SSH2: variants seen among roughly 807,000 people sequenced by gnomAD.
The protein encoded by SSH2 is slingshot protein phosphatase 2, also known as protein phosphatase Slingshot homolog 2.
Under a neutral mutation model 135.2 loss-of-function variants are expected in SSH2, and 37 were observed. The observed-to-expected ratio is 0.27, with a 90% confidence interval of 0.21 to 0.36. The LOEUF is 0.36. Ranked by LOEUF, SSH2 falls within the 10% of genes least tolerant of loss-of-function variation. SSH2 has a pLI of 1.00. For missense variants in SSH2, 1,408 were observed against 1,765.3 expected (o/e 0.80, Z 3.63); for synonymous variants, 628 against 646.2 (o/e 0.97, Z 0.43).
chr17:29,742,456 C>T (rs973272265), intron 3 of SSH2, among the ~76,000 whole-genome samples: 87 of 139,920 alleles, frequency 6.2e-4, no homozygotes, highest in Non-Finnish European at 4.7e-4. Flanking sequence ...GTAGTTAGGA[C>T]GAGAGGTATG....
At chr17:29,730,715 A>G (rs2040160171) in intron 3 of SSH2, among the ~76,000 whole-genome samples, 1 of 152,166 alleles carries the variant, frequency 6.6e-6, no homozygotes, top group Non-Finnish European at 1.5e-5. Flanking sequence ...CTGGGATTAC[A>G]GGCATGAGCC....
intron 14 of SSH2, among the ~76,000 whole-genome samples, chr17:29,641,055 A>G (rs1257158040): frequency 2.6e-5 from 4 of 152,170 alleles, no homozygotes; most frequent in African/African-American, 9.7e-5. Context: ...AATTATAGGC[A>G]TGCGCCACCA....
At chr17:29,726,986 G>A (rs905765201) in intron 3 of SSH2, among the ~76,000 whole-genome samples, 13 of 152,186 alleles carry the variant, frequency 8.5e-5, no homozygotes, top group African/African-American at 3.1e-4. Flanking sequence ...GGACAAGCCA[G>A]GGAAGCTTAC....
intron 3 of SSH2, among the ~76,000 whole-genome samples, chr17:29,722,766 CAG>C (rs1196619724): frequency 6.6e-6 from 1 of 152,162 alleles, no homozygotes; most frequent in Non-Finnish European, 1.5e-5. Flanking sequence ...ACCGTGGGAA[CAG>C]AGTCAAGCAC....
At chr17:29,736,428 C>G (rs2040364789) in intron 3 of SSH2, among the ~76,000 whole-genome samples, 1 of 152,092 alleles carries the variant, frequency 6.6e-6, no homozygotes, top group South Asian at 2.1e-4. Flanking sequence ...CTTTACTGAT[C>G]TTGATTTTAT....
At chr17:29,761,668 A>T (rs978113053) in intron 3 of SSH2, among the ~76,000 whole-genome samples, 1 of 152,128 alleles carries the variant, frequency 6.6e-6, no homozygotes, top group Non-Finnish European at 1.5e-5. Flanking sequence ...TCTCTAAAGG[A>T]GGATGTTTCA....
At chr17:29,919,931 C>T (rs1031187522) in intron 1 of SSH2, among the ~76,000 whole-genome samples, 1 of 152,058 alleles carries the variant, frequency 6.6e-6, no homozygotes, top group Non-Finnish European at 1.5e-5. Flanking sequence ...TTTTCTGAGA[C>T]GGAGTTTCCC....
intron 3 of SSH2, among the ~76,000 whole-genome samples, chr17:29,793,375 T>C (rs1157482640): frequency 6.6e-6 from 1 of 152,180 alleles, no homozygotes; most frequent in Non-Finnish European, 1.5e-5. Flanking sequence ...GTGAAATATT[T>C]ACCAATCTGC....
intron 1 of SSH2, among the ~76,000 whole-genome samples, chr17:29,876,021 A>G (rs1172362176): frequency 1.3e-5 from 2 of 151,206 alleles, no homozygotes; most frequent in Non-Finnish European, 2.9e-5. Flanking sequence ...TTCCATGTTC[A>G]TGGATTGGAA....
chr17:29,924,609 A>AT (rs1291474519), intron 1 of SSH2, among the ~76,000 whole-genome samples: 4 of 151,738 alleles, frequency 2.6e-5, no homozygotes, highest in Non-Finnish European at 5.9e-5. Flanking sequence ...GAATTGCTCA[A>AT]TTTTTTTATT....
At chr17:29,678,031 T>C (rs909844625) in intron 6 of SSH2, among the ~76,000 whole-genome samples, 3 of 152,214 alleles carry the variant, frequency 2.0e-5, no homozygotes, top group Admixed American at 2.0e-4. Flanking sequence ...TGCAGATGAT[T>C]GCTGCTGACT....
Position 29,905,855 on chromosome 17 carries a change from C to G in SSH2, c.63+24083G>C, listed in dbSNP as rs577531814. On this transcript the variant is annotated intron_variant, in intron 1 of 15. Transcript: ENST00000540801. ...CATAAAACCCTGGGCTCAGCCAGAGCTGAGCAGACAACTGAACTGGATGAC... is the reference window on the plus strand; with the variant it reads ...CATAAAACCCTGGGCTCAGCCAGAGGTGAGCAGACAACTGAACTGGATGAC... Among the ~76,000 whole-genome samples the G allele has an allele frequency of 1.6e-4, 25 of 152,284 alleles. No individual in the cohort carries two copies. The South Asian group carries it at 3.9e-3, about 24-fold the overall frequency.
At chr17:29,833,660 CTT>C (rs2042888307) in intron 2 of SSH2, among the ~76,000 whole-genome samples, 1 of 148,098 alleles carries the variant, frequency 6.8e-6, no homozygotes, top group Non-Finnish European at 1.5e-5. Flanking sequence ...TCCTTCCTTC[CTT>C]CCTTCCTTCT....
intron 3 of SSH2, among the ~76,000 whole-genome samples, chr17:29,748,286 G>T (rs924289087): frequency 6.6e-6 from 1 of 151,938 alleles, no homozygotes; most frequent in Non-Finnish European, 1.5e-5. Context: ...AAACACAAAT[G>T]CATCTTTATA....
intron 3 of SSH2, among the ~76,000 whole-genome samples, chr17:29,729,290 G>A (rs1248373850): frequency 6.6e-6 from 1 of 152,206 alleles, no homozygotes; most frequent in Non-Finnish European, 1.5e-5. Flanking sequence ...ATGAAAAGGT[G>A]CTCAACATCA....
intron 2 of SSH2, among the ~76,000 whole-genome samples, chr17:29,816,204 G>A (rs775283490): frequency 2.6e-5 from 4 of 152,108 alleles, no homozygotes; most frequent in Non-Finnish European, 4.4e-5. Context: ...ACCTCAGTGC[G>A]GTAGGGATTA....
intron 3 of SSH2, among the ~76,000 whole-genome samples, chr17:29,744,384 G>A (rs912063182): frequency 2.0e-5 from 3 of 152,050 alleles, no homozygotes; most frequent in Admixed American, 6.5e-5. Context: ...GTCCCGGCGT[G>A]TATTAGGGCA....
chr17:29,914,281 C>T lies in SSH2; in HGVS notation c.63+15657G>A, dbSNP rs190446102. Among the ~76,000 whole-genome samples, 300 of 152,022 alleles carry T rather than the reference C, an allele frequency of 2.0e-3. 1 individual carries two copies. Among genetic ancestry groups the T allele is most frequent in the Non-Finnish European group, 9.4e-4 (64 of 67,968 alleles). On this transcript the variant is annotated intron_variant, in intron 1 of 15. Coordinates refer to ENST00000540801, the MANE Select transcript of SSH2 (RefSeq NM_001282129.2). ...TCGACTGCCAAAAGACTATTTCTGG[C>T]CAGGTGTGGTGGCTCACACCTGTAA... is the stretch of plus-strand genomic sequence containing the variant.
At chr17:29,704,348 G>C (rs535318420) in intron 3 of SSH2, among the ~76,000 whole-genome samples, 156 of 152,282 alleles carry the variant, frequency 1.0e-3, no homozygotes, top group Non-Finnish European at 1.9e-3. Flanking sequence ...ACTTGAGTTT[G>C]TCATTCACAA....
Sources: gnomAD v4.1 joint callset for allele counts (sites outside exome capture counted in the v4.1 genomes callset) on GRCh38, gnomAD v4.1.1 for gene constraint, MANE v1.5 for transcripts, NCBI Gene and HGNC (gene_info 2026-07-23, HGNC 2026-07-21) for gene names.